Variants in SEPTIN11 observed in about 807,000 individuals in gnomAD.
SEPTIN11 encodes septin-11.
SEPTIN11 carries 25 observed loss-of-function variants against 51.4 expected under a neutral mutation model. The ratio of observed to expected loss-of-function variants is 0.49; its 90% CI spans 0.35 to 0.68. The LOEUF is 0.68. Ranked by LOEUF, SEPTIN11 falls within the 30% of genes least tolerant of loss-of-function variation. The pLI, the probability that SEPTIN11 is intolerant of heterozygous loss-of-function variation, is 0.00. For missense variants in SEPTIN11, 381 were observed against 520.8 expected (o/e 0.73, Z 2.61); for synonymous variants, 174 against 184.1 (o/e 0.95, Z 0.44).
chr4:76,964,388 C>T (rs564496457), intron 1 of SEPTIN11, among the ~76,000 whole-genome samples: 5 of 151,046 alleles, frequency 3.3e-5, no homozygotes, highest in East Asian at 3.9e-4. Context: ...TTAGCCTCCT[C>T]GCTCCCTTCT....
intron 1 of SEPTIN11, among the ~76,000 whole-genome samples, chr4:76,966,058 G>A (rs2068548): frequency 6.6e-6 from 1 of 152,332 alleles, no homozygotes; most frequent in South Asian, 2.1e-4. Flanking sequence ...TGCCCTTTGT[G>A]TTCCCTTAGG....
chr4:76,962,273 T>A (rs1721853964), intron 1 of SEPTIN11, among the ~76,000 whole-genome samples: 1 of 152,242 alleles, frequency 6.6e-6, no homozygotes, highest in Non-Finnish European at 1.5e-5. Context: ...CTTGGCCTTT[T>A]GTCAAAAAAT....
In SEPTIN11 at chr4:77,036,441, T is replaced by A. The variant is rs1464751500; in HGVS notation, c.*1929T>A. On this transcript the variant is annotated 3_prime_UTR_variant, in exon 10 of 10. Coordinates refer to ENST00000264893, the MANE Select transcript of SEPTIN11 (RefSeq NM_018243.4). ...GTTCCAACCACCGCTTGTGTGAGCATTTTTGTGGCTTGTACAGAAAGTACA... is the reference window on the plus strand; with the variant it reads ...GTTCCAACCACCGCTTGTGTGAGCAATTTTGTGGCTTGTACAGAAAGTACA... 3.4e-6 allele frequency: 4 copies of A among 1,183,834 alleles called. No individual in the cohort carries two copies. The highest frequency in any genetic ancestry group is 4.2e-6 in the Non-Finnish European group (4 of 951,142). The allele number at this position is 1,183,834 out of a possible 1,614,324, so 73.3% of individuals were successfully genotyped here.
chr4:77,036,544 A>G lies in SEPTIN11; in HGVS notation c.*2032A>G. ...CGAAAGGCATCCAGCTGACTTTTTGATTCCAAGATTATTGATTGGATTGAC... is the reference window on the plus strand; with the variant it reads ...CGAAAGGCATCCAGCTGACTTTTTGGTTCCAAGATTATTGATTGGATTGAC... On this transcript the variant is annotated 3_prime_UTR_variant, in exon 10 of 10. Transcript: ENST00000264893. 1.4e-6 allele frequency: 2 copies of G among 1,401,682 alleles called. No homozygotes were observed. The highest frequency in any genetic ancestry group is 9.2e-7 in the Non-Finnish European group (1 of 1,084,702). The allele number at this position is 1,401,682 out of a possible 1,614,324, so 86.8% of individuals were successfully genotyped here. A position where few individuals can be genotyped will look rare whatever the true frequency, so the allele number is the denominator to read the frequency against.
intron 7 of SEPTIN11, 69 bp downstream of exon 7, chr4:77,020,739 A>G: frequency 1.4e-6 from 2 of 1,437,458 alleles, no homozygotes; most frequent in Non-Finnish European, 9.5e-7. Context: ...TACATCACAG[A>G]AATGCTTGCT....
At chr4:76,995,942 G>C (rs1159870947) in intron 1 of SEPTIN11, 73 of 1,535,304 alleles carry the variant, frequency 4.8e-5, no homozygotes, top group Non-Finnish European at 6.4e-5. Context: ...ATTTATGGTA[G>C]GTAGAGCATT....
chr4:77,039,932 T>C (rs1440629451), downstream of SEPTIN11: 1 of 171,342 alleles, frequency 5.8e-6, no homozygotes, highest in Non-Finnish European at 1.2e-5. Context: ...CAGCTTACTT[T>C]TGGTATCAAA....
intron 1 of SEPTIN11, 103 bp downstream of exon 1, chr4:76,950,033 C>T: frequency 1.7e-6 from 2 of 1,202,832 alleles, no homozygotes; most frequent in Non-Finnish European, 2.1e-6. Context: ...GTGCTCGGCC[C>T]CGCGGCGGCG....
At chr4:76,996,576 C>A in intron 2 of SEPTIN11, 37 bp downstream of exon 2, 2 of 1,386,308 alleles carry the variant, frequency 1.4e-6, no homozygotes, top group Non-Finnish European at 2.1e-6. Flanking sequence ...GAAATTTGAT[C>A]CTTAGATATT....
chr4:76,984,742 C>T lies in SEPTIN11; in HGVS notation c.28-11683C>T, dbSNP rs115996916. 3.7e-3 allele frequency among the ~76,000 whole-genome samples: 569 copies of T among 152,210 alleles called. 4 individuals are homozygous for T. The highest frequency in any genetic ancestry group is 0.013 in the African/African-American group (537 of 41,526). On this transcript the variant is annotated intron_variant, in intron 1 of 9. Coordinates refer to ENST00000264893, the MANE Select transcript of SEPTIN11 (RefSeq NM_018243.4). This position sits in a 1 kb window ranked among gnomAD's most constrained non-coding sequence, Gnocchi z 4.1. The stretch of plus-strand genomic sequence containing the variant: ...GAGGGACAAAAATGACCCAAATAAA[C>T]AACAGTGAGACAAGTGGGTGGTTTT...
intron 5 of SEPTIN11, among the ~76,000 whole-genome samples, chr4:77,018,702 T>G (rs1725483176): frequency 8.8e-6 from 1 of 113,964 alleles, no homozygotes; most frequent in Middle Eastern, 4.8e-3. Context: ...CCATCTACCT[T>G]GGTCTTTTTC....
intron 3 of SEPTIN11, 35 bp from the exon 4 acceptor site, chr4:77,011,700 T>G: frequency 6.3e-7 from 1 of 1,596,838 alleles, no homozygotes; most frequent in Non-Finnish European, 8.6e-7. Flanking sequence ...GTGAAAGAGG[T>G]TTGAGACTAG....
At chr4:76,967,350 G>T (rs1412951931) in intron 1 of SEPTIN11, among the ~76,000 whole-genome samples, 1 of 152,178 alleles carries the variant, frequency 6.6e-6, no homozygotes, top group Non-Finnish European at 1.5e-5. Context: ...TTGATGGCAT[G>T]GTAAGATGAT....
chr4:77,037,151 C>A lies in SEPTIN11; in HGVS notation c.*2639C>A. The A allele has an allele frequency of 1.2e-6, 1 of 814,768 alleles. No homozygotes were observed. Among genetic ancestry groups the A allele is most frequent in the Non-Finnish European group, 1.5e-6 (1 of 670,854 alleles). The allele number at this position is 814,768 out of a possible 1,614,324, so 50.5% of individuals were successfully genotyped here. On this transcript the variant is annotated 3_prime_UTR_variant, in exon 10 of 10. Transcript: ENST00000264893. ...CCGAGGTGGGCAGATCACTTGAGGCCTGGAGTTCAAGACCACCTTGGCGAA... is the reference window on the plus strand; with the variant it reads ...CCGAGGTGGGCAGATCACTTGAGGCATGGAGTTCAAGACCACCTTGGCGAA...
chr4:77,004,344 G>C (rs950051161), intron 2 of SEPTIN11, among the ~76,000 whole-genome samples: 6 of 152,208 alleles, frequency 3.9e-5, no homozygotes, highest in Admixed American at 1.3e-4. Context: ...TCACACTGAA[G>C]CTGGGAAAAC....
intron 3 of SEPTIN11, chr4:77,010,085 G>A (rs1048908129): frequency 6.6e-6 from 1 of 152,032 alleles, no homozygotes; most frequent in African/African-American, 2.4e-5. Context: ...AGTTATATCT[G>A]ACTTTTATGT....
chr4:76,990,270 C>G (rs1723294911), intron 1 of SEPTIN11, among the ~76,000 whole-genome samples: 1 of 152,034 alleles, frequency 6.6e-6, no homozygotes, highest in South Asian at 2.1e-4. Flanking sequence ...TTTTACAGAG[C>G]ACTGATTGGT....
At position 77,037,734 on chromosome 4, in the gene SEPTIN11, A is replaced by G; in HGVS notation, c.*3222A>G. On this transcript the variant is annotated 3_prime_UTR_variant, in exon 10 of 10. Transcript: ENST00000264893. ...ACATGTACTGTAGAATGTGATGGAAAAGCATTGATGAGAATTTATTGGCAG... is the reference window on the plus strand; with the variant it reads ...ACATGTACTGTAGAATGTGATGGAAGAGCATTGATGAGAATTTATTGGCAG... 1 of 985,876 alleles carries G rather than the reference A, an allele frequency of 1.0e-6. No individual in the cohort carries two copies. Among genetic ancestry groups the G allele is most frequent in the Non-Finnish European group, 1.2e-6 (1 of 829,932 alleles). The allele number at this position is 985,876 out of a possible 1,614,324, so 61.1% of individuals were successfully genotyped here. A position where few individuals can be genotyped will look rare whatever the true frequency, so the allele number is the denominator to read the frequency against.
intron 1 of SEPTIN11, among the ~76,000 whole-genome samples, chr4:76,960,351 TTC>T (rs1002842072): frequency 6.6e-6 from 1 of 152,228 alleles, no homozygotes; most frequent in Non-Finnish European, 1.5e-5. Flanking sequence ...AAGCACAGTT[TTC>T]TCTCTGAGCC....
Sources: allele counts gnomAD v4.1 joint callset (sites outside exome capture counted in the v4.1 genomes callset), GRCh38; gene constraint gnomAD v4.1.1; non-coding constraint Gnocchi (gnomAD v3.1); transcripts MANE v1.5; gene names NCBI Gene and HGNC (gene_info 2026-07-23, HGNC 2026-07-21).